LIN28A: variants seen among roughly 807,000 people sequenced by gnomAD.
LIN28A encodes the protein lin-28 RNA binding posttranscriptional regulator A.
A neutral mutation model predicts 21.1 loss-of-function variants in LIN28A; 11 were observed. That is an observed-to-expected ratio of 0.52 (90% CI 0.33 to 0.86). The LOEUF is 0.86. Among genes scored for constraint, LIN28A ranks in the 40% least tolerant of loss-of-function variants. The pLI, the probability that LIN28A is intolerant of heterozygous loss-of-function variation, is 0.03. For missense variants in LIN28A, 219 were observed against 279.8 expected, an observed-to-expected ratio of 0.78 and a Z score of 1.55; for synonymous variants, 111 against 108.7, an observed-to-expected ratio of 1.02 and a Z score of -0.13.
At chr1:26,420,601 C>CA (rs10643062) in intron 2 of LIN28A, among the ~76,000 whole-genome samples, 15,301 of 129,208 alleles carry the variant, frequency 0.12, 1,481 homozygotes, top group African/African-American at 0.26. Context: ...AAGACTTTCT[C>CA]AAAAAAAAAA....
At chr1:26,425,586 C>T in intron 3 of LIN28A, 99 bp downstream of exon 3, 2 of 1,147,368 alleles carry the variant, frequency 1.7e-6, no homozygotes, top group Non-Finnish European at 2.5e-6. Flanking sequence ...AAAGGGAAGC[C>T]TGTGGTCCCT....
At position 26,424,059 on chromosome 1, in the gene LIN28A, C is replaced by A. The variant is rs898868421; in HGVS notation, c.229-1244C>A. ...TACAGGCGTGAGGCAGCGCACCCGGCCTTTTTTTTTTTCTTTTTTAAATAA... is the reference window on the plus strand; with the variant it reads ...TACAGGCGTGAGGCAGCGCACCCGGACTTTTTTTTTTTCTTTTTTAAATAA... On this transcript the variant is annotated intron_variant, in intron 2 of 3. Coordinates refer to ENST00000326279, the MANE Select transcript of LIN28A (RefSeq NM_024674.6). 2.6e-5 allele frequency among the ~76,000 whole-genome samples: 4 copies of A among 151,514 alleles called. 1 individual carries two copies. The highest frequency in any genetic ancestry group is 7.3e-5 in the African/African-American group (3 of 41,242).
chr1:26,425,033 G>A lies in LIN28A; in HGVS notation c.229-270G>A, dbSNP rs554013937. Among the ~76,000 whole-genome samples the A allele has an allele frequency of 1.1e-4, 16 of 152,264 alleles. No homozygotes were observed. The East Asian group carries it at 1.5e-3, about 15-fold the overall frequency. The stretch of plus-strand genomic sequence containing the variant: ...GCTAGGATTATAGGTGTGAGCCACC[G>A]TACCCGGCCCTCTGTTCTATTTTAT... On this transcript the variant is annotated intron_variant, in intron 2 of 3. Transcript: ENST00000326279.
chr1:26,426,977 T>C lies in LIN28A; in HGVS notation c.*519T>C, dbSNP rs2075063452. 2 of 162,928 alleles carry C rather than the reference T, an allele frequency of 1.2e-5. No individual in the cohort carries two copies. The highest frequency in any genetic ancestry group is 5.8e-5 in the Admixed American group (1 of 17,208). The allele number at this position is 162,928 out of a possible 1,614,324, so 10.1% of individuals were successfully genotyped here. On this transcript the variant is annotated 3_prime_UTR_variant, in exon 4 of 4. Coordinates refer to ENST00000326279, the MANE Select transcript of LIN28A (RefSeq NM_024674.6). ...AGCTGTCCCAAGCAATGGGTAATGA[T>C]GATGGCAAAAAGGGTGTTTGGGGGA...
At position 26,411,955 on chromosome 1, in the gene LIN28A, A is replaced by G. The variant is rs1003798137; in HGVS notation, c.228+373A>G. On this transcript the variant is annotated intron_variant, in intron 2 of 3. Coordinates refer to ENST00000326279, the MANE Select transcript of LIN28A (RefSeq NM_024674.6). The surrounding 1 kb of genome is among the most constrained non-coding windows in gnomAD (Gnocchi z 5.4). ...GGCCAGGGAAGCACATGCCGGGCCT[A>G]AGCCGGGAGCCCAGCTCCTCCAACG... 5.3e-5 allele frequency among the ~76,000 whole-genome samples: 8 copies of G among 152,196 alleles called. No individual in the cohort carries two copies. Among genetic ancestry groups the G allele is most frequent in the Non-Finnish European group, 1.2e-4 (8 of 68,022 alleles).
At chr1:26,415,420 C>T (rs1370309373) in intron 2 of LIN28A, among the ~76,000 whole-genome samples, 2 of 152,254 alleles carry the variant, frequency 1.3e-5, no homozygotes, top group Non-Finnish European at 2.9e-5. Flanking sequence ...TGATTACTCA[C>T]CTCATGTCTA....
At chr1:26,420,615 A>AAG (rs2075023453) in intron 2 of LIN28A, among the ~76,000 whole-genome samples, 2 of 151,564 alleles carry the variant, frequency 1.3e-5, no homozygotes, top group Admixed American at 1.3e-4. Context: ...AAAAAAAAAA[A>AAG]AAAATTAAGT....
Position 26,410,818 on chromosome 1 carries a change from C to T in LIN28A, c.-74C>T. On this transcript the variant is annotated 5_prime_UTR_variant, in exon 1 of 4. Transcript: ENST00000326279. Reference sequence around the variant, plus strand: ...TAGCAGCTTCTTCTCCGAACCAACCCTTTGCCTTCGGACTTCTCCGGGGCC... The same window carrying T: ...TAGCAGCTTCTTCTCCGAACCAACCTTTTGCCTTCGGACTTCTCCGGGGCC... 1 of 1,532,334 alleles carries T rather than the reference C, an allele frequency of 6.5e-7. No homozygotes were observed. The highest frequency in any genetic ancestry group is 2.3e-5 in the East Asian group (1 of 44,018). 94.9% of individuals were successfully genotyped at this position (1,532,334 alleles called of 1,614,324 possible).
At chr1:26,426,187 C>A in intron 3 of LIN28A, 55 bp from the exon 4 acceptor site, 1 of 1,424,756 alleles carries the variant, frequency 7.0e-7, no homozygotes, top group Non-Finnish European at 9.9e-7. Context: ...TCGTGGGAGG[C>A]ATCTGGCCTC....
chr1:26,422,414 A>ATTT (rs60313858), intron 2 of LIN28A, among the ~76,000 whole-genome samples: 8 of 134,896 alleles, frequency 5.9e-5, no homozygotes, highest in East Asian at 2.1e-4. Context: ...CAATTGTCCT[A>ATTT]TTTTTTTTTT....
intron 2 of LIN28A, among the ~76,000 whole-genome samples, chr1:26,412,110 G>T (rs1472094246): frequency 2.6e-5 from 4 of 152,242 alleles, no homozygotes; most frequent in Non-Finnish European, 5.9e-5. Context: ...CTAAAAACTG[G>T]GTTTGGCAGA....
intron 2 of LIN28A, among the ~76,000 whole-genome samples, chr1:26,421,301 C>T (rs960919179): frequency 2.0e-5 from 3 of 152,100 alleles, no homozygotes; most frequent in East Asian, 1.9e-4. Flanking sequence ...AAAGACTTTA[C>T]GTTGTTCTTA....
intron 2 of LIN28A, among the ~76,000 whole-genome samples, chr1:26,423,930 T>G (rs2075043325): frequency 6.6e-6 from 1 of 151,432 alleles, no homozygotes; most frequent in Non-Finnish European, 1.5e-5. Flanking sequence ...GCCTGGCTAA[T>G]TTTTTGTATT....
chr1:26,411,402 G>A lies in LIN28A; in HGVS notation c.48G>A (p.Ala16=). 6.3e-7 allele frequency: 1 copy of A among 1,598,562 alleles called. No homozygotes were observed. Among genetic ancestry groups the A allele is most frequent in the Non-Finnish European group, 8.5e-7 (1 of 1,173,628 alleles). The change falls in exon 2 of 4, where the codon GCG becomes GCA. Residue 16 remains alanine, a synonymous_variant. Coordinates refer to ENST00000326279, the MANE Select transcript of LIN28A (RefSeq NM_024674.6). This position sits in a 1 kb window ranked among gnomAD's most constrained non-coding sequence, Gnocchi z 5.4. ...TCTCTCCAGGTGGCTGCGCCAAGGC[G>A]GCAGAAGAGGCGCCCGAGGAGGCGC... ...NQQFAGGCAK[A]AEEAPEEAPE...
intron 2 of LIN28A, among the ~76,000 whole-genome samples, chr1:26,418,352 C>G (rs911575499): frequency 1.3e-5 from 2 of 152,054 alleles, no homozygotes; most frequent in Admixed American, 1.3e-4. Context: ...CGAGACCATC[C>G]TGGCTAACGC....
chr1:26,426,284 C>T lies in LIN28A; in HGVS notation c.456C>T (p.Cys152=). The T allele has an allele frequency of 6.2e-7, 1 of 1,614,168 alleles. No individual in the cohort carries two copies. Among genetic ancestry groups the T allele is most frequent in the African/African-American group, 1.3e-5 (1 of 75,040 alleles). ...GTCTAGATCATCATGCCAAGGAATG[C>T]AAGCTGCCACCCCAGCCCAAGAAGT... ...CGGLDHHAKE[C]KLPPQPKKCH... Residue 152 remains cysteine, a synonymous_variant, in exon 4 of 4, where the codon TGC becomes TGT. Transcript: ENST00000326279.
chr1:26,425,491 T>G lies in LIN28A; in HGVS notation c.413+4T>G. ...AGCGCAGATCAAAAGGAGACAGGTA[T>G]GGATTGGAAGGCAGCTTATATAGGT... On this transcript the variant is annotated splice_donor_region_variant and intron_variant, in intron 3 of 3. Coordinates refer to ENST00000326279, the MANE Select transcript of LIN28A (RefSeq NM_024674.6). The G allele has an allele frequency of 1.2e-6, 2 of 1,613,480 alleles. No individual in the cohort carries two copies. Among genetic ancestry groups the G allele is most frequent in the Non-Finnish European group, 1.7e-6 (2 of 1,179,640 alleles).
intron 2 of LIN28A, among the ~76,000 whole-genome samples, chr1:26,414,099 G>T (rs1469228290): frequency 6.6e-6 from 1 of 152,136 alleles, no homozygotes; most frequent in Non-Finnish European, 1.5e-5. Flanking sequence ...AAAGTGCTGG[G>T]ATTACAGGCA....
At chr1:26,413,910 C>T (rs1158380262) in intron 2 of LIN28A, among the ~76,000 whole-genome samples, 1 of 149,694 alleles carries the variant, frequency 6.7e-6, no homozygotes, top group Admixed American at 6.7e-5. Context: ...TCACCGCAAC[C>T]TCCGCCTCCC....
Sources: allele counts gnomAD v4.1 joint callset (sites outside exome capture counted in the v4.1 genomes callset), GRCh38; gene constraint gnomAD v4.1.1; non-coding constraint Gnocchi (gnomAD v3.1); transcripts MANE v1.5; gene names NCBI Gene and HGNC (gene_info 2026-07-23, HGNC 2026-07-21).